Variants in FRMD8 observed in about 807,000 individuals in gnomAD.
FRMD8 encodes FERM domain-containing protein 8.
Under a neutral mutation model 54.2 loss-of-function variants are expected in FRMD8, and 37 were observed. The ratio of observed to expected loss-of-function variants is 0.68; its 90% CI spans 0.53 to 0.90. The LOEUF (loss-of-function observed/expected upper bound fraction) is 0.90. Ranked by LOEUF, FRMD8 falls within the 40% of genes least tolerant of loss-of-function variation. The pLI is 0.00. For missense variants in FRMD8, 585 were observed against 653.7 expected, an observed-to-expected ratio of 0.89 and a Z score of 1.15; for synonymous variants, 246 against 286.9, an observed-to-expected ratio of 0.86 and a Z score of 1.44.
intron 10 of FRMD8, 65 bp from the exon 11 acceptor site, chr11:65,411,177 T>C: frequency 1.5e-6 from 2 of 1,369,620 alleles, no homozygotes; most frequent in Non-Finnish European, 2.0e-6. Context: ...CCTGGCTTCC[T>C]GGGCCTGAGC....
At chr11:65,408,076 CTTTTTTTT>C (rs757980759) in intron 10 of FRMD8, among the ~76,000 whole-genome samples, 1 of 139,638 alleles carries the variant, frequency 7.2e-6, no homozygotes, top group African/African-American at 2.6e-5. Context: ...ATTGTTTTTT[CTTTTTTTT>C]TTTTTTGGAG....
At chr11:65,402,223 C>T (rs1241420687) in intron 9 of FRMD8, among the ~76,000 whole-genome samples, 1 of 151,922 alleles carries the variant, frequency 6.6e-6, no homozygotes, top group Non-Finnish European at 1.5e-5. Flanking sequence ...TGGTGGCACA[C>T]GCCCGTAATC....
At chr11:65,393,525 C>G in intron 3 of FRMD8, 48 bp from the exon 4 acceptor site, 2 of 1,444,696 alleles carry the variant, frequency 1.4e-6, no homozygotes, top group Non-Finnish European at 1.9e-6. Flanking sequence ...AGGGCAGCCA[C>G]TGGACTGGCC....
chr11:65,368,069 GT>G, the FRMD8 span: 2 of 38,046 alleles, frequency 5.3e-5, no homozygotes, highest in East Asian at 1.3e-3. Flanking sequence ...TTTTTTTGGT[GT>G]TTTTTTTTTT....
rs779960773 is a variant in FRMD8, at chr11:65,394,252, C to G, written c.415-7C>G. ...TGAGCGGCTGTCCCTGCCACACCCC[C>G]CTGCAGATCCATGACGAGGAGGTCC... On this transcript the variant is annotated splice_polypyrimidine_tract_variant and splice_region_variant and intron_variant, in intron 5 of 10. Transcript: ENST00000317568. 1.6e-5 allele frequency: 26 copies of G among 1,600,174 alleles called. No homozygotes were observed. Among genetic ancestry groups the G allele is most frequent in the South Asian group, 2.2e-5 (2 of 89,088 alleles).
the FRMD8 span, chr11:65,379,696 G>T: frequency 8.0e-7 from 1 of 1,246,606 alleles, no homozygotes; most frequent in Non-Finnish European, 1.1e-6. Context: ...AGGCAGGGAT[G>T]GGCTGAGGCT....
At chr11:65,395,338 T>C (rs1224091382) in intron 6 of FRMD8, among the ~76,000 whole-genome samples, 2 of 149,990 alleles carry the variant, frequency 1.3e-5, no homozygotes, top group East Asian at 2.0e-4. Context: ...AGGTCAGGAG[T>C]TCAAGACCAG....
At chr11:65,392,192 G>A (rs1003419217) in intron 3 of FRMD8, among the ~76,000 whole-genome samples, 13 of 152,220 alleles carry the variant, frequency 8.5e-5, no homozygotes, top group Admixed American at 6.5e-5. Context: ...ATGTTGGGAC[G>A]AGAAAGGGCT....
the FRMD8 span, chr11:65,380,497 AG>A: frequency 2.9e-6 from 4 of 1,370,596 alleles, no homozygotes; most frequent in Non-Finnish European, 3.9e-6. Context: ...ACCGCCTATG[AG>A]CCGCGGGACT....
chr11:65,368,843 G>C, the FRMD8 span, among the ~76,000 whole-genome samples: 73 of 152,258 alleles, frequency 4.8e-4, 1 homozygote, highest in East Asian at 0.013. Flanking sequence ...GATTACAGGC[G>C]TGAGCCACCA....
the FRMD8 span, chr11:65,379,411 T>C: frequency 1.9e-6 from 3 of 1,612,640 alleles, no homozygotes; most frequent in African/African-American, 1.3e-5. Flanking sequence ...GCTAGGAAGA[T>C]GTGCATGTAG....
chr11:65,376,366 G>T, the FRMD8 span: 2 of 1,600,334 alleles, frequency 1.2e-6, no homozygotes, highest in South Asian at 2.2e-5. Flanking sequence ...TGGCCTCCAG[G>T]CCGTGGGCCT....
intron 7 of FRMD8, among the ~76,000 whole-genome samples, chr11:65,398,408 C>T (rs1448223731): frequency 6.6e-6 from 1 of 152,206 alleles, no homozygotes; most frequent in Non-Finnish European, 1.5e-5. Context: ...TCGTATTTGG[C>T]GAATCCTATG....
At chr11:65,402,043 C>T (rs1444835665) in intron 9 of FRMD8, among the ~76,000 whole-genome samples, 3 of 151,880 alleles carry the variant, frequency 2.0e-5, no homozygotes, top group Non-Finnish European at 4.4e-5. Flanking sequence ...GTTTCGGTGT[C>T]GTTTGTTGAA....
chr11:65,377,245 T>A, the FRMD8 span: 2 of 1,430,630 alleles, frequency 1.4e-6, no homozygotes, highest in African/African-American at 1.4e-5. Flanking sequence ...GGCCAGGATG[T>A]CTGCATGCGA....
chr11:65,376,272 C>A, the FRMD8 span: 2 of 1,129,598 alleles, frequency 1.8e-6, no homozygotes, highest in East Asian at 2.6e-5. Flanking sequence ...CCCAGATCTG[C>A]GCGGGTGGGA....
In FRMD8 at chr11:65,401,434, C is replaced by T. The variant is rs186439071; in HGVS notation, c.1071+567C>T. On this transcript the variant is annotated intron_variant, in intron 9 of 10. Coordinates refer to ENST00000317568, the MANE Select transcript of FRMD8 (RefSeq NM_031904.5). Reference sequence around the variant, plus strand: ...TCCCACTTGGGTCACATCAGACGCCCCTCCCTCCCACAGGGCCCTTTCAGG... The same window carrying T: ...TCCCACTTGGGTCACATCAGACGCCTCTCCCTCCCACAGGGCCCTTTCAGG... 7.9e-3 allele frequency among the ~76,000 whole-genome samples: 1,149 copies of T among 144,852 alleles called. 10 individuals are homozygous for T. The highest frequency in any genetic ancestry group is 0.013 in the South Asian group (57 of 4,354).
intron 10 of FRMD8, 58 bp downstream of exon 10, chr11:65,405,126 G>T (rs1328299611): frequency 2.6e-6 from 4 of 1,536,212 alleles, no homozygotes; most frequent in East Asian, 2.3e-5. Context: ...GCACACACCG[G>T]GGGGAGTTCC....
upstream of FRMD8, chr11:65,381,946 C>A: frequency 1.2e-6 from 2 of 1,614,092 alleles, no homozygotes; most frequent in African/African-American, 1.3e-5. Context: ...ATTCCTCCAC[C>A]GGCATTGTCT....
Sources: allele counts gnomAD v4.1 joint callset (sites outside exome capture counted in the v4.1 genomes callset), GRCh38; gene constraint gnomAD v4.1.1; transcripts MANE v1.5; gene names NCBI Gene and HGNC (gene_info 2026-07-23, HGNC 2026-07-21).